SVIL: variants seen among roughly 807,000 people sequenced by gnomAD.
SVIL encodes archvillin.
A neutral mutation model predicts 240.4 loss-of-function variants in SVIL; 101 were observed. The observed-to-expected ratio is 0.42, with a 90% CI of 0.36 to 0.50. SVIL has a LOEUF of 0.50. SVIL is among the 20% of genes least tolerant of loss of function. The pLI, the probability that SVIL is intolerant of heterozygous loss-of-function variation, is 0.01. For synonymous variants in SVIL, 999 were observed against 1,100.0 expected (o/e 0.91, Z 1.82); for missense variants, 2,512 against 2,818.7 (o/e 0.89, Z 2.46).
Position 29,491,437 on chromosome 10 carries a change from C to T in SVIL, c.4020-418G>A, listed in dbSNP as rs556098205. ...CCGGCAAGCCCTTCGGGAATTTGCA[C>T]GGGCTCCTTGACGTAATCCTCTTCG... On this transcript the variant is annotated intron_variant, in intron 21 of 37. Transcript: ENST00000355867. Among the ~76,000 whole-genome samples the T allele has an allele frequency of 1.1e-4, 17 of 152,186 alleles. No homozygotes were observed. In the East Asian group the frequency reaches 3.3e-3, roughly 29 times the overall value.
chr10:29,568,500 T>A (rs1955173086), intron 2 of SVIL, among the ~76,000 whole-genome samples: 1 of 152,176 alleles, frequency 6.6e-6, no homozygotes, highest in South Asian at 2.1e-4. Context: ...GATCTTTGCC[T>A]GACTGCGTAG....
intron 16 of SVIL, among the ~76,000 whole-genome samples, chr10:29,516,169 C>G (rs1006250902): frequency 6.6e-6 from 1 of 152,180 alleles, no homozygotes; most frequent in African/African-American, 2.4e-5. Flanking sequence ...TAAGGTTTTT[C>G]CCACCATGGG....
In SVIL at chr10:29,461,571, T is replaced by TATC. The variant is rs376442334; in HGVS notation, c.6402+703_6402+705dup. 1.8e-3 allele frequency among the ~76,000 whole-genome samples: 277 copies of TATC among 152,338 alleles called. 1 individual carries two copies. Among genetic ancestry groups the TATC allele is most frequent in the African/African-American group, 6.3e-3 (264 of 41,582 alleles). On this transcript the variant is annotated intron_variant, in intron 36 of 37. Transcript: ENST00000355867. The stretch of plus-strand genomic sequence containing the variant: ...AAAAAAATCAAAATGGTAAAAAACC[T>TATC]ATCTCTCACCAAATCAAAACAAATC...
rs548330764 is a variant in SVIL, at chr10:29,552,896, A to G, written c.161-1633T>C. On this transcript the variant is annotated intron_variant, in intron 5 of 37. Coordinates refer to ENST00000355867, the MANE Select transcript of SVIL (RefSeq NM_021738.3). ...ACTATGTGAAGCTTAAACTTCACAT[A>G]TACTACACAGATTACCATTTCGGGT... Among the ~76,000 whole-genome samples the G allele has an allele frequency of 2.6e-5, 4 of 152,240 alleles. No individual in the cohort carries two copies. In the South Asian group the frequency reaches 6.2e-4, roughly 24 times the overall value.
At chr10:29,718,570 T>C (rs1404439016) in intron 1 of SVIL, among the ~76,000 whole-genome samples, 3 of 152,094 alleles carry the variant, frequency 2.0e-5, no homozygotes, top group Non-Finnish European at 2.9e-5. Context: ...ATGACCGCCC[T>C]AGGTTATCAC....
chr10:29,555,953 C>T (rs975324689), intron 3 of SVIL, among the ~76,000 whole-genome samples: 3 of 152,196 alleles, frequency 2.0e-5, no homozygotes, highest in Non-Finnish European at 2.9e-5. Flanking sequence ...ACAGGTCCTC[C>T]GCCTCCCTGC....
Position 29,484,552 on chromosome 10 carries a change from A to T in SVIL, c.4955+104T>A. The T allele has an allele frequency of 9.9e-7, 1 of 1,007,762 alleles. No individual in the cohort carries two copies. The highest frequency in any genetic ancestry group is 2.8e-5 in the East Asian group (1 of 35,720). 62.4% of individuals were successfully genotyped at this position (1,007,762 alleles called of 1,614,324 possible). A position where few individuals can be genotyped will look rare whatever the true frequency, so the allele number is the denominator to read the frequency against. ...CCACTGCATATAATCGTTTATGAAA[A>T]CTGAACCCTATAAAGAGCGAGAGTA... On this transcript the variant is annotated intron_variant, in intron 27 of 37. Coordinates refer to ENST00000355867, the MANE Select transcript of SVIL (RefSeq NM_021738.3). This position sits in a 1 kb window ranked among gnomAD's most constrained non-coding sequence, Gnocchi z 4.7.
chr10:29,713,031 T>C (rs1401394108), intron 1 of SVIL, among the ~76,000 whole-genome samples: 1 of 151,874 alleles, frequency 6.6e-6, no homozygotes, highest in Non-Finnish European at 1.5e-5. Context: ...ACAAAAGAAT[T>C]AGCTGGGTGT....
At chr10:29,597,249 A>C (rs773738327) in intron 1 of SVIL, among the ~76,000 whole-genome samples, 5 of 152,126 alleles carry the variant, frequency 3.3e-5, no homozygotes, top group Non-Finnish European at 7.4e-5. Context: ...CTCACTTCCA[A>C]AGGGGAAAGA....
In SVIL at chr10:29,524,513, G is replaced by C; in HGVS notation, c.2545C>G (p.Arg849Gly). The C allele has an allele frequency of 6.2e-7, 1 of 1,614,122 alleles. No homozygotes were observed. The highest frequency in any genetic ancestry group is 8.5e-7 in the Non-Finnish European group (1 of 1,180,026). ...IDTRQRRMNA[R>G]YQTQPVTLGE... Reference sequence around the variant, plus strand: ...AGTGTGACTGGCTGAGTTTGATAGCGAGCGTTCATTCTCCTCTGTCTCGTG... The same window carrying C: ...AGTGTGACTGGCTGAGTTTGATAGCCAGCGTTCATTCTCCTCTGTCTCGTG... Residue 849 changes from arginine to glycine, a missense_variant, in exon 14 of 38, where the codon CGC (arginine) becomes GGC (glycine). Physicochemically the swap from Arg to Gly is moderately radical, Grantham distance 125. This residue lies in a region of SVIL where 1,443 missense variants were observed against 1,486.6 expected (regional missense o/e 0.97). Transcript: ENST00000355867.
chr10:29,502,865 C>A (rs565673111), intron 17 of SVIL, among the ~76,000 whole-genome samples: 1 of 152,288 alleles, frequency 6.6e-6, no homozygotes, highest in South Asian at 2.1e-4. Context: ...TATACACTGA[C>A]TGAAAAATCA....
chr10:29,580,304 C>T (rs188939551), intron 1 of SVIL, among the ~76,000 whole-genome samples: 16 of 152,166 alleles, frequency 1.1e-4, no homozygotes, highest in South Asian at 2.1e-4. Context: ...GCTATGATCA[C>T]GCCACTGCAC....
rs749421059 is a variant in SVIL at position 29,551,263 on chromosome 10, C to T, written c.161G>A (p.Gly54Asp). The change falls in exon 6 of 38, where the codon GGC becomes GAC. Residue 54 changes from glycine to aspartate, a missense_variant and splice_region_variant. Around this residue, in one of 3 missense-constraint regions of SVIL, gnomAD observed 1,443 missense variants for 1,486.6 expected, o/e 0.97. Transcript: ENST00000355867. ...AGTTTCCTCCTCTTCATTTGATCGG[C>T]CTACAAGAAGGTCACATGGATGAGA... ...RASDPASPHI[G>D]RSNEEEETSD... The T allele has an allele frequency of 1.3e-6, 2 of 1,583,528 alleles. No individual in the cohort carries two copies. Among genetic ancestry groups the T allele is most frequent in the Admixed American group, 3.6e-5 (2 of 55,928 alleles).
intron 1 of SVIL, among the ~76,000 whole-genome samples, chr10:29,611,597 A>C (rs984805722): frequency 1.3e-5 from 2 of 152,190 alleles, no homozygotes; most frequent in African/African-American, 4.8e-5. Flanking sequence ...ATCAGGAGCA[A>C]ACCAATGCCA....
intron 1 of SVIL, among the ~76,000 whole-genome samples, chr10:29,585,979 G>T (rs543409778): frequency 6.6e-6 from 1 of 152,378 alleles, no homozygotes; most frequent in African/African-American, 2.4e-5. Context: ...TGGTCCATGA[G>T]CCATAACCCA....
intron 6 of SVIL, among the ~76,000 whole-genome samples, chr10:29,546,465 A>AT (rs1304881680): frequency 6.6e-6 from 1 of 152,212 alleles, no homozygotes; most frequent in East Asian, 1.9e-4. Flanking sequence ...TCAATTAACT[A>AT]TTTTTTAAAA....
intron 3 of SVIL, among the ~76,000 whole-genome samples, chr10:29,646,743 C>G (rs766250518): frequency 6.6e-6 from 1 of 152,130 alleles, no homozygotes. Flanking sequence ...CAGTAGGGTC[C>G]CCAGTGACAG....
chr10:29,480,676 C>T lies in SVIL; in HGVS notation c.5238G>A (p.Gln1746=). Residue 1746 remains glutamine, a synonymous_variant, in exon 29 of 38, where the codon CAG becomes CAA. Transcript: ENST00000355867. The stretch of plus-strand genomic sequence containing the variant: ...CCACGGAAACGCTGGTGATCTCAAA[C>T]TGCCTCCTGTCGTGTCCTTCCACCA... ...YGLVEGHDRR[Q]FEITSVSVDV... is the part of the protein sequence containing the mutation. The T allele has an allele frequency of 6.2e-7, 1 of 1,614,220 alleles. No homozygotes were observed.
At chr10:29,612,067 G>A (rs1376984268) in intron 1 of SVIL, among the ~76,000 whole-genome samples, 4 of 152,046 alleles carry the variant, frequency 2.6e-5, no homozygotes, top group African/African-American at 7.2e-5. Flanking sequence ...GATGTTGGCA[G>A]GACTCACCTC....
Sources: gnomAD v4.1 joint callset for allele counts (sites outside exome capture counted in the v4.1 genomes callset) on GRCh38, gnomAD v4.1.1 for gene constraint, gnomAD v4.1.1 regional missense constraint, Gnocchi (gnomAD v3.1) non-coding constraint, MANE v1.5 for transcripts, NCBI Gene and HGNC (gene_info 2026-07-23, HGNC 2026-07-21) for gene names.